The following SLC10A7 variants were observed in gnomAD, a reference collection of about 807,000 sequenced individuals.
SLC10A7 encodes the protein solute carrier family 10 member 7, also known as sodium/bile acid cotransporter 7.
A neutral mutation model predicts 43.2 loss-of-function variants in SLC10A7; 29 were observed. That is an observed-to-expected ratio of 0.67 (90% CI 0.50 to 0.92). The LOEUF (loss-of-function observed/expected upper bound fraction) is 0.92, where lower values mean the gene tolerates loss of function less well. Among genes scored for constraint, SLC10A7 ranks in the 40% least tolerant of loss-of-function variants. The pLI is 0.00. For synonymous variants in SLC10A7, 152 were observed against 144.8 expected (o/e 1.05, Z -0.35); for missense variants, 295 against 403.2 (o/e 0.73, Z 2.30).
intron 10 of SLC10A7, among the ~76,000 whole-genome samples, chr4:146,264,189 G>GT (rs904512112): frequency 2.0e-5 from 3 of 151,906 alleles, no homozygotes; most frequent in African/African-American, 4.8e-5. Flanking sequence ...ACAAGAACAA[G>GT]TTTTTTTTCT....
At chr4:146,450,639 CTG>C (rs1731498632) in intron 4 of SLC10A7, among the ~76,000 whole-genome samples, 1 of 152,098 alleles carries the variant, frequency 6.6e-6, no homozygotes, top group South Asian at 2.1e-4. Flanking sequence ...ACTGCCAGCA[CTG>C]TGTAAAAGCA....
At chr4:146,500,662 C>T (rs1233885751) in intron 4 of SLC10A7, among the ~76,000 whole-genome samples, 6 of 152,138 alleles carry the variant, frequency 3.9e-5, no homozygotes, top group Non-Finnish European at 8.8e-5. Context: ...TACATACATG[C>T]TGTTATTTCT....
At chr4:146,333,094 C>G (rs1733647442) in intron 5 of SLC10A7, among the ~76,000 whole-genome samples, 2 of 152,150 alleles carry the variant, frequency 1.3e-5, no homozygotes, top group South Asian at 4.1e-4. Flanking sequence ...ATGCCATAAA[C>G]AGTTCCCACC....
intron 7 of SLC10A7, among the ~76,000 whole-genome samples, chr4:146,302,527 G>A (rs1731231009): frequency 6.6e-6 from 1 of 152,176 alleles, no homozygotes; most frequent in Admixed American, 6.5e-5. Context: ...AATCAAACAA[G>A]GTGTTGCAAT....
intron 5 of SLC10A7, among the ~76,000 whole-genome samples, chr4:146,358,822 T>G (rs1250000639): frequency 1.3e-5 from 2 of 152,152 alleles, no homozygotes; most frequent in African/African-American, 4.8e-5. Context: ...CATAAAAAAG[T>G]TGCTAAAAAC....
chr4:146,472,507 G>A lies in SLC10A7; in HGVS notation c.397-29686C>T, dbSNP rs977813791. Among the ~76,000 whole-genome samples the A allele has an allele frequency of 2.7e-5, 4 of 147,880 alleles. No homozygotes were observed. The Admixed American group carries it at 2.7e-4, about 10-fold the overall frequency. On this transcript the variant is annotated intron_variant, in intron 4 of 11. Transcript: ENST00000335472. ...CATGAAGCATATTACTCCACTGTCAGTGCAAAGCAGTTCCTAACAACAGGG... is the reference window on the plus strand; with the variant it reads ...CATGAAGCATATTACTCCACTGTCAATGCAAAGCAGTTCCTAACAACAGGG...
chr4:146,486,183 C>G (rs1734905337), intron 4 of SLC10A7, among the ~76,000 whole-genome samples: 1 of 152,178 alleles, frequency 6.6e-6, no homozygotes, highest in Non-Finnish European at 1.5e-5. Context: ...ATTCAATACT[C>G]AACTAGAAAC....
Position 146,489,555 on chromosome 4 carries a change from T to C in SLC10A7, c.396+14294A>G, listed in dbSNP as rs575471176. ...TACGATTTTGATGGCAAGAGCTTAT[T>C]GTGATTGAGGTCATCCCTTATTGTG... On this transcript the variant is annotated intron_variant, in intron 4 of 11. Transcript: ENST00000335472. Among the ~76,000 whole-genome samples the C allele has an allele frequency of 7.2e-5, 11 of 152,342 alleles. No homozygotes were observed. The East Asian group carries it at 2.1e-3, about 29-fold the overall frequency.
chr4:146,325,617 C>T (rs1474885597), intron 6 of SLC10A7, among the ~76,000 whole-genome samples: 1 of 152,098 alleles, frequency 6.6e-6, no homozygotes, highest in Non-Finnish European at 1.5e-5. Flanking sequence ...TTCTGTTAAA[C>T]ACTATCAAAC....
At chr4:146,441,948 G>T in intron 5 of SLC10A7, 1 of 981,372 alleles carries the variant, frequency 1.0e-6, no homozygotes, top group South Asian at 4.7e-5. Flanking sequence ...CTAGACTCAT[G>T]AACTAGTTTA....
intron 2 of SLC10A7, among the ~76,000 whole-genome samples, chr4:146,512,933 T>C (rs1579385668): frequency 1.3e-5 from 2 of 149,986 alleles, no homozygotes; most frequent in African/African-American, 5.1e-5. Context: ...ACAAAAAAAA[T>C]GGGCTTATTT....
At chr4:146,296,638 C>G (rs375688927) in intron 7 of SLC10A7, among the ~76,000 whole-genome samples, 1 of 152,152 alleles carries the variant, frequency 6.6e-6, no homozygotes, top group Admixed American at 6.6e-5. Context: ...TGTCTTTCAC[C>G]ATTTCTAGTC....
intron 5 of SLC10A7, among the ~76,000 whole-genome samples, chr4:146,380,113 T>C (rs1259698841): frequency 6.6e-6 from 1 of 152,090 alleles, no homozygotes; most frequent in Non-Finnish European, 1.5e-5. Context: ...GATCCAAATA[T>C]ATAACAAGGA....
At chr4:146,452,513 C>CA (rs914728396) in intron 4 of SLC10A7, among the ~76,000 whole-genome samples, 2 of 151,824 alleles carry the variant, frequency 1.3e-5, no homozygotes, top group Non-Finnish European at 2.9e-5. Context: ...TATAAAAAGT[C>CA]AAAAAAATAA....
chr4:146,327,554 T>C (rs912576936), intron 5 of SLC10A7, among the ~76,000 whole-genome samples: 6 of 152,202 alleles, frequency 3.9e-5, no homozygotes, highest in Non-Finnish European at 8.8e-5. Context: ...TCAGTCTATA[T>C]GAGAGGCATT....
intron 7 of SLC10A7, among the ~76,000 whole-genome samples, chr4:146,302,380 C>G (rs1347062056): frequency 1.3e-5 from 2 of 152,116 alleles, no homozygotes; most frequent in African/African-American, 2.4e-5. Context: ...TTATTGGGTA[C>G]CTATGGTCTG....
intron 4 of SLC10A7, among the ~76,000 whole-genome samples, chr4:146,485,599 C>G (rs1001542344): frequency 6.6e-6 from 1 of 152,178 alleles, no homozygotes; most frequent in African/African-American, 2.4e-5. Flanking sequence ...CCAGAGCAGA[C>G]AGTCTAACTA....
chr4:146,377,356 T>C (rs1446238164), intron 5 of SLC10A7, among the ~76,000 whole-genome samples: 3 of 152,186 alleles, frequency 2.0e-5, no homozygotes, highest in South Asian at 2.1e-4. Context: ...TGACTCTCCA[T>C]TGAGCTGGTT....
At chr4:146,493,442 C>A (rs77195291) in intron 4 of SLC10A7, among the ~76,000 whole-genome samples, 1,614 of 151,210 alleles carry the variant, frequency 0.011, 14 homozygotes, top group Non-Finnish European at 0.017. Context: ...GCTGAGACTG[C>A]GCCATTGCAC....
Sources: gnomAD v4.1 joint callset for allele counts (sites outside exome capture counted in the v4.1 genomes callset) on GRCh38, gnomAD v4.1.1 for gene constraint, MANE v1.5 for transcripts, NCBI Gene and HGNC (gene_info 2026-07-23, HGNC 2026-07-21) for gene names.